The following GAPT variants were observed in gnomAD, a reference collection of about 807,000 sequenced individuals.
GAPT encodes GRB2 binding adaptor protein, transmembrane.
For synonymous variants in GAPT, 82 were observed against 69.7 expected (o/e 1.18, Z -0.88); for missense variants, 206 against 189.2 (o/e 1.09, Z -0.52).
rs1744412719 is a variant in GAPT at position 58,495,155 on chromosome 5, C to A, written c.*145C>A. ...TACACATACACCATAGAATATTATG[C>A]AGCCGTAAAAAAAGAACAAAACTAA... On this transcript the variant is annotated 3_prime_UTR_variant, in exon 3 of 3. Coordinates refer to ENST00000502276, the MANE Select transcript of GAPT (RefSeq NM_001304431.2). 1 of 588,848 alleles carries A rather than the reference C, an allele frequency of 1.7e-6. No homozygotes were observed. The allele number at this position is 588,848 out of a possible 1,614,324, so 36.5% of individuals were successfully genotyped here. A position where few individuals can be genotyped will look rare whatever the true frequency, so the allele number is the denominator to read the frequency against.
At position 58,496,752 on chromosome 5, in the gene GAPT, A is replaced by C. The variant is rs1744462144; in HGVS notation, c.*1742A>C. On this transcript the variant is annotated 3_prime_UTR_variant, in exon 3 of 3. Transcript: ENST00000502276. ...TTATTGCCATGTGGTTTACTCCAGC[A>C]TCACTGGTTGTTTGCAGCTTTCTAG... 1 of 167,216 alleles carries C rather than the reference A, an allele frequency of 6.0e-6. No homozygotes were observed. Among genetic ancestry groups the C allele is most frequent in the African/African-American group, 2.4e-5 (1 of 41,460 alleles). The allele number at this position is 167,216 out of a possible 1,614,324, so 10.4% of individuals were successfully genotyped here. A position where few individuals can be genotyped will look rare whatever the true frequency, so the allele number is the denominator to read the frequency against.
In GAPT at chr5:58,495,539, C is replaced by A. The variant is rs947395224; in HGVS notation, c.*529C>A. 6.0e-6 allele frequency: 1 copy of A among 167,736 alleles called. No individual in the cohort carries two copies. Among genetic ancestry groups the A allele is most frequent in the African/African-American group, 2.4e-5 (1 of 41,442 alleles). 10.4% of individuals were successfully genotyped at this position (167,736 alleles called of 1,614,324 possible). ...ATAAGTGGATGGTCTCTGCCTATCT[C>A]CACCTTTCTGAATCCTATGTGTATC... is the stretch of plus-strand genomic sequence containing the variant. On this transcript the variant is annotated 3_prime_UTR_variant, in exon 3 of 3. Coordinates refer to ENST00000502276, the MANE Select transcript of GAPT (RefSeq NM_001304431.2).
intron 2 of GAPT, 45 bp from the exon 3 acceptor site, chr5:58,494,202 G>A (rs890110498): frequency 2.9e-5 from 6 of 209,324 alleles, no homozygotes; most frequent in African/African-American, 1.4e-4. Flanking sequence ...CTACTCTGCT[G>A]TCATCTTCCA....
Position 58,494,911 on chromosome 5 carries a change from T to C in GAPT, c.375T>C (p.Tyr125=). ...TGQSNFEEHI[Y]GNETSSDYYN... is the part of the protein sequence containing the mutation. Reference sequence around the variant, plus strand: ...AGTCTAATTTCGAGGAGCATATCTATGGAAATGAGACATCTTCTGACTATT... The same window carrying C: ...AGTCTAATTTCGAGGAGCATATCTACGGAAATGAGACATCTTCTGACTATT... The change falls in exon 3 of 3, where the codon TAT becomes TAC. Residue 125 remains tyrosine (Y), a synonymous_variant. Transcript: ENST00000502276. 6.2e-7 allele frequency: 1 copy of C among 1,614,052 alleles called. No individual in the cohort carries two copies. Among genetic ancestry groups the C allele is most frequent in the East Asian group, 2.2e-5 (1 of 44,882 alleles).
intron 1 of GAPT, among the ~76,000 whole-genome samples, chr5:58,493,040 A>C (rs1029828615): frequency 4.6e-5 from 7 of 152,260 alleles, no homozygotes; most frequent in Admixed American, 1.3e-4. Flanking sequence ...ATTCAGTCAC[A>C]TTTTGGTTGT....
In GAPT at chr5:58,495,727, G is replaced by T; in HGVS notation, c.*717G>T. On this transcript the variant is annotated 3_prime_UTR_variant, in exon 3 of 3. Coordinates refer to ENST00000502276, the MANE Select transcript of GAPT (RefSeq NM_001304431.2). ...GAATTATTGTCATAGGCTCCTAACT[G>T]TTCCTCCTGCTTCTAGTTTCTACCC... 6.0e-6 allele frequency: 1 copy of T among 165,550 alleles called. No homozygotes were observed. The allele number at this position is 165,550 out of a possible 1,614,324, so 10.3% of individuals were successfully genotyped here. A position where few individuals can be genotyped will look rare whatever the true frequency, so the allele number is the denominator to read the frequency against.
chr5:58,494,879 A>T lies in GAPT; in HGVS notation c.343A>T (p.Thr115Ser). The change falls in exon 3 of 3, where the codon ACA becomes TCA. Residue 115 changes from threonine (T) to serine (S), a missense_variant. Transcript: ENST00000502276. The part of the protein sequence containing the change: ...GKTDKELYEN[T>S]GQSNFEEHIY... Reference sequence around the variant, plus strand: ...AACCGATAAGGAACTATATGAAAACACAGGGCAGTCTAATTTCGAGGAGCA... The same window carrying T: ...AACCGATAAGGAACTATATGAAAACTCAGGGCAGTCTAATTTCGAGGAGCA... 1 of 1,613,974 alleles carries T rather than the reference A, an allele frequency of 6.2e-7. No individual in the cohort carries two copies. Among genetic ancestry groups the T allele is most frequent in the Non-Finnish European group, 8.5e-7 (1 of 1,179,870 alleles).
rs1174639335 is a variant in GAPT at position 58,495,406 on chromosome 5, A to G, written c.*396A>G. On this transcript the variant is annotated 3_prime_UTR_variant, in exon 3 of 3. Coordinates refer to ENST00000502276, the MANE Select transcript of GAPT (RefSeq NM_001304431.2). Reference sequence around the variant, plus strand: ...AAACCCCCAAGTCACAAGTGTTCCTACATAACAAACCTGAACATGTACCCC... The same window carrying G: ...AAACCCCCAAGTCACAAGTGTTCCTGCATAACAAACCTGAACATGTACCCC... 6.1e-6 allele frequency: 1 copy of G among 165,036 alleles called. No homozygotes were observed. The highest frequency in any genetic ancestry group is 2.4e-5 in the African/African-American group (1 of 41,598). 10.2% of individuals were successfully genotyped at this position (165,036 alleles called of 1,614,324 possible). A position where few individuals can be genotyped will look rare whatever the true frequency, so the allele number is the denominator to read the frequency against.
chr5:58,491,649 A>T (rs548274593), intron 1 of GAPT, 108 bp downstream of exon 1: 1 of 152,328 alleles, frequency 6.6e-6, no homozygotes, highest in African/African-American at 2.4e-5. Flanking sequence ...TTAGAAAAAA[A>T]TGCCTTACGT....
intron 1 of GAPT, among the ~76,000 whole-genome samples, chr5:58,492,890 A>G (rs1209312195): frequency 6.6e-6 from 1 of 152,178 alleles, no homozygotes; most frequent in South Asian, 2.1e-4. Flanking sequence ...GGTAATACAA[A>G]GGTAAATAAT....
At chr5:58,492,235 C>T (rs1382392404) in intron 1 of GAPT, among the ~76,000 whole-genome samples, 1 of 152,126 alleles carries the variant, frequency 6.6e-6, no homozygotes, top group Non-Finnish European at 1.5e-5. Flanking sequence ...CTCACCGTGA[C>T]TTCTGTTGCA....
In GAPT at chr5:58,494,258, G is replaced by T. The variant is rs145755935; in HGVS notation, c.-279G>T. On this transcript the variant is annotated 5_prime_UTR_variant, in exon 3 of 3. The change creates a premature stop within an existing upstream ORF in the 5' untranslated region. Coordinates refer to ENST00000502276, the MANE Select transcript of GAPT (RefSeq NM_001304431.2). Reference sequence around the variant, plus strand: ...TGATTCGTTAACAGAAAAGGAAGTGGAATGGAATAAAATCCCCCAATACAG... The same window carrying T: ...TGATTCGTTAACAGAAAAGGAAGTGTAATGGAATAAAATCCCCCAATACAG... 1 of 302,292 alleles carries T rather than the reference G, an allele frequency of 3.3e-6. No individual in the cohort carries two copies. Among genetic ancestry groups the T allele is most frequent in the Non-Finnish European group, 6.1e-6 (1 of 164,498 alleles). 18.7% of individuals were successfully genotyped at this position (302,292 alleles called of 1,614,324 possible).
Position 58,494,616 on chromosome 5 carries a change from T to C in GAPT, c.80T>C (p.Ile27Thr). The C allele has an allele frequency of 6.2e-7, 1 of 1,614,056 alleles. No homozygotes were observed. The highest frequency in any genetic ancestry group is 8.5e-7 in the Non-Finnish European group (1 of 1,179,956). The change falls in exon 3 of 3, where the codon ATT (isoleucine) becomes ACT (threonine). Residue 27 changes from isoleucine to threonine, a missense_variant. Coordinates refer to ENST00000502276, the MANE Select transcript of GAPT (RefSeq NM_001304431.2). ...CTTTTACTCTTAGTGGTTTGTGGAA[T>C]TGGGTGTGTTTGGCACTGGAAACAC... ...SLLLLLVVCGIGCVWHWKHRV... is the reference protein window; with the variant it reads ...SLLLLLVVCGTGCVWHWKHRV...
At chr5:58,493,063 T>A (rs925524159) in intron 1 of GAPT, among the ~76,000 whole-genome samples, 1 of 152,148 alleles carries the variant, frequency 6.6e-6, no homozygotes, top group African/African-American at 2.4e-5. Flanking sequence ...GGAAGTTACT[T>A]AACTTCTTTA....
Position 58,495,503 on chromosome 5 carries a change from A to G in GAPT, c.*493A>G, listed in dbSNP as rs1334420092. ...TTTTATTGTACTGATGCCATTCTTA[A>G]TCAAGTTCTGATAAGTGGATGGTCT... On this transcript the variant is annotated 3_prime_UTR_variant, in exon 3 of 3. Coordinates refer to ENST00000502276, the MANE Select transcript of GAPT (RefSeq NM_001304431.2). The G allele has an allele frequency of 5.9e-6, 1 of 168,486 alleles. No individual in the cohort carries two copies. The highest frequency in any genetic ancestry group is 1.4e-5 in the Non-Finnish European group (1 of 69,300). The allele number at this position is 168,486 out of a possible 1,614,324, so 10.4% of individuals were successfully genotyped here. A position where few individuals can be genotyped will look rare whatever the true frequency, so the allele number is the denominator to read the frequency against.
rs1744413194 is a variant in GAPT, at chr5:58,495,168, A to T, written c.*158A>T. 1 of 576,766 alleles carries T rather than the reference A, an allele frequency of 1.7e-6. No individual in the cohort carries two copies. Among genetic ancestry groups the T allele is most frequent in the Non-Finnish European group, 3.0e-6 (1 of 329,472 alleles). 35.7% of individuals were successfully genotyped at this position (576,766 alleles called of 1,614,324 possible). On this transcript the variant is annotated 3_prime_UTR_variant, in exon 3 of 3. Transcript: ENST00000502276. ...TAGAATATTATGCAGCCGTAAAAAA[A>T]GAACAAAACTAACATGGGAACAGAA...
In GAPT at chr5:58,494,400, G is replaced by A. The variant is rs1305220304; in HGVS notation, c.-137G>A. Reference sequence around the variant, plus strand: ...TTGCATCAGGACTTTACCAGATAATGTTCTTCCAGATCTGAAAAGGAAAAT... The same window carrying A: ...TTGCATCAGGACTTTACCAGATAATATTCTTCCAGATCTGAAAAGGAAAAT... On this transcript the variant is annotated 5_prime_UTR_variant, in exon 3 of 3. It removes an upstream start codon present in the reference 5' UTR. Transcript: ENST00000502276. The A allele has an allele frequency of 3.0e-6, 2 of 670,818 alleles. No individual in the cohort carries two copies. The highest frequency in any genetic ancestry group is 5.0e-6 in the Non-Finnish European group (2 of 397,772). 41.6% of individuals were successfully genotyped at this position (670,818 alleles called of 1,614,324 possible).
Position 58,494,362 on chromosome 5 carries a change from C to T in GAPT, c.-175C>T. 3.5e-6 allele frequency: 2 copies of T among 571,006 alleles called. No individual in the cohort carries two copies. Among genetic ancestry groups the T allele is most frequent in the East Asian group, 2.8e-5 (1 of 35,616 alleles). 35.4% of individuals were successfully genotyped at this position (571,006 alleles called of 1,614,324 possible). ...CATCTTCCAGAAATAAGTTTATACACTCTCTCCTCTAATTGCATCAGGACT... is the reference window on the plus strand; with the variant it reads ...CATCTTCCAGAAATAAGTTTATACATTCTCTCCTCTAATTGCATCAGGACT... On this transcript the variant is annotated 5_prime_UTR_variant, in exon 3 of 3. Coordinates refer to ENST00000502276, the MANE Select transcript of GAPT (RefSeq NM_001304431.2).
Position 58,494,860 on chromosome 5 carries a change from T to C in GAPT, c.324T>C (p.Asp108=), listed in dbSNP as rs182834658. The stretch of plus-strand genomic sequence containing the variant: ...CTCCCAAAGCTAAAGGAAAAACCGA[T>C]AAGGAACTATATGAAAACACAGGGC... The part of the protein sequence containing the change: ...AGPPKAKGKT[D]KELYENTGQS... Residue 108 remains aspartate (D), a synonymous_variant, in exon 3 of 3, where the codon GAT becomes GAC. Coordinates refer to ENST00000502276, the MANE Select transcript of GAPT (RefSeq NM_001304431.2). 2.5e-6 allele frequency: 4 copies of C among 1,613,930 alleles called. No homozygotes were observed. Among genetic ancestry groups the C allele is most frequent in the South Asian group, 1.1e-5 (1 of 91,084 alleles).
Sources: allele counts gnomAD v4.1 joint callset (sites outside exome capture counted in the v4.1 genomes callset), GRCh38; gene constraint gnomAD v4.1.1; transcripts MANE v1.5; gene names NCBI Gene and HGNC (gene_info 2026-07-23, HGNC 2026-07-21).